Variants in PPP2R2B observed in about 807,000 individuals in gnomAD.
The protein encoded by PPP2R2B is protein phosphatase 2 regulatory subunit Bbeta.
A neutral mutation model predicts 46.0 loss-of-function variants in PPP2R2B; 5 were observed. The observed-to-expected ratio is 0.11, with a 90% CI of 0.06 to 0.23. The LOEUF is 0.23. Among genes scored for constraint, PPP2R2B ranks in the 10% least tolerant of loss-of-function variants. The pLI, the probability that PPP2R2B is intolerant of heterozygous loss-of-function variation, is 1.00. For synonymous variants in PPP2R2B, 215 were observed against 206.7 expected, an observed-to-expected ratio of 1.04 and a Z score of -0.34; for missense variants, 367 against 575.0, an observed-to-expected ratio of 0.64 and a Z score of 3.70.
intron 1 of PPP2R2B, among the ~76,000 whole-genome samples, chr5:146,933,211 A>G (rs914004437): frequency 5.3e-5 from 8 of 152,132 alleles, no homozygotes; most frequent in Non-Finnish European, 7.4e-5. Context: ...CAACCAGATG[A>G]ATTTTTTGGT....
intron 2 of PPP2R2B, among the ~76,000 whole-genome samples, chr5:146,787,514 C>T (rs1351398873): frequency 6.6e-6 from 1 of 151,876 alleles, no homozygotes; most frequent in Non-Finnish European, 1.5e-5. Flanking sequence ...TTTCTCTTCT[C>T]TCCTCTCCTC....
chr5:146,974,026 G>A (rs573042632), intron 1 of PPP2R2B, among the ~76,000 whole-genome samples: 36 of 152,236 alleles, frequency 2.4e-4, no homozygotes, highest in Non-Finnish European at 1.2e-4. Context: ...AAGGTTTTCC[G>A]TGTTATTGAT....
chr5:146,658,166 G>C (rs898295767), intron 5 of PPP2R2B, among the ~76,000 whole-genome samples: 1 of 152,118 alleles, frequency 6.6e-6, no homozygotes, highest in Non-Finnish European at 1.5e-5. Context: ...CGGAAGTCCT[G>C]GGTGTCCACC....
In PPP2R2B at chr5:146,878,076, A is replaced by G. The variant is rs1762005344; in HGVS notation, c.-5T>C. ...GGTATCAATGTCCTCCTCCATTGAC[A>G]GCAGGCTTACTTGCGTGGGAACCAG... On this transcript the variant is annotated 5_prime_UTR_variant, in exon 2 of 10. Coordinates refer to ENST00000394411, the MANE Select transcript of PPP2R2B (RefSeq NM_181675.4). This position sits in a 1 kb window ranked among gnomAD's most constrained non-coding sequence, Gnocchi z 4.5. 6.2e-7 allele frequency: 1 copy of G among 1,614,188 alleles called. No individual in the cohort carries two copies. Among genetic ancestry groups the G allele is most frequent in the Non-Finnish European group, 8.5e-7 (1 of 1,180,026 alleles).
At chr5:147,043,964 T>G (rs896062878) in intron 1 of PPP2R2B, among the ~76,000 whole-genome samples, 21 of 151,994 alleles carry the variant, frequency 1.4e-4, no homozygotes, top group Non-Finnish European at 2.4e-4. Flanking sequence ...GGCAACTTAC[T>G]TATCTTTCTG....
chr5:146,593,005 C>A lies in PPP2R2B; in HGVS notation c.1018G>T (p.Asp340Tyr). The A allele has an allele frequency of 6.2e-7, 1 of 1,613,984 alleles. No individual in the cohort carries two copies. Among genetic ancestry groups the A allele is most frequent in the Non-Finnish European group, 8.5e-7 (1 of 1,179,874 alleles). ...CCATTCCACACACACTCAAATTTAT[C>A]AAAAATGCAGTCATTTTCATAGAGG... ...CSLYENDCIFDKFECVWNGSD... is the reference protein window; with the variant it reads ...CSLYENDCIFYKFECVWNGSD... The change falls in exon 9 of 10, where the codon GAT becomes TAT. Residue 340 changes from aspartate (D) to tyrosine (Y), a missense_variant. Physicochemically the swap from Asp to Tyr is radical, Grantham distance 160 (BLOSUM62 -3). Around this residue, in one of 2 missense-constraint regions of PPP2R2B, gnomAD observed 361 missense variants for 545.5 expected, o/e 0.66. Coordinates refer to ENST00000394411, the MANE Select transcript of PPP2R2B (RefSeq NM_181675.4).
intron 5 of PPP2R2B, among the ~76,000 whole-genome samples, chr5:146,672,160 A>G (rs989986411): frequency 2.0e-5 from 3 of 152,228 alleles, no homozygotes; most frequent in African/African-American, 7.2e-5. Context: ...TGCTGCTTTC[A>G]CAATGGGAGA....
At chr5:147,033,829 C>G (rs1264722145) in intron 1 of PPP2R2B, among the ~76,000 whole-genome samples, 1 of 152,014 alleles carries the variant, frequency 6.6e-6, no homozygotes, top group African/African-American at 2.4e-5. Context: ...TTAATCCAAG[C>G]CTCTGTCCTT....
At chr5:146,975,868 T>A (rs1752876864) in intron 1 of PPP2R2B, among the ~76,000 whole-genome samples, 1 of 152,118 alleles carries the variant, frequency 6.6e-6, no homozygotes, top group Non-Finnish European at 1.5e-5. Context: ...TTACATATTC[T>A]GCATATTGAT....
In PPP2R2B at chr5:146,738,354, C is replaced by A. The variant is rs146682790; in HGVS notation, c.71-37212G>T. ...GAGCTTGCAGTGAGCCGAGATCATG[C>A]CACTGCACTCCAGCCTGGGCGACAA... On this transcript the variant is annotated intron_variant, in intron 2 of 9. Coordinates refer to ENST00000394411, the MANE Select transcript of PPP2R2B (RefSeq NM_181675.4). Among the ~76,000 whole-genome samples the A allele has an allele frequency of 7.6e-3, 1,110 of 146,774 alleles. 14 individuals carry two copies. The highest frequency in any genetic ancestry group is 0.059 in the Middle Eastern group (17 of 290).
intron 1 of PPP2R2B, among the ~76,000 whole-genome samples, chr5:146,952,067 A>G (rs1348575334): frequency 6.6e-6 from 1 of 150,828 alleles, no homozygotes; most frequent in Non-Finnish European, 1.5e-5. Context: ...AATCTTTGGC[A>G]CTTTTGTAAT....
intron 7 of PPP2R2B, among the ~76,000 whole-genome samples, chr5:146,602,017 T>C (rs527792242): frequency 2.0e-5 from 3 of 152,368 alleles, no homozygotes; most frequent in South Asian, 2.1e-4. Flanking sequence ...TATATCTCGA[T>C]ATTTCCCACT....
chr5:147,055,583 C>T (rs1757045382), intron 1 of PPP2R2B: 2 of 1,223,532 alleles, frequency 1.6e-6, no homozygotes, highest in South Asian at 2.5e-5. Context: ...CTACAGAAAG[C>T]AGCATCAGCA....
intron 1 of PPP2R2B, among the ~76,000 whole-genome samples, chr5:146,899,591 T>A (rs1046044097): frequency 2.6e-5 from 4 of 151,860 alleles, no homozygotes; most frequent in Non-Finnish European, 5.9e-5. Context: ...AACCTGCACA[T>A]TGTGCACATG....
chr5:146,780,115 C>T (rs540624608), intron 2 of PPP2R2B, among the ~76,000 whole-genome samples: 7 of 152,236 alleles, frequency 4.6e-5, no homozygotes, highest in African/African-American at 1.7e-4. Context: ...TATGTGACTA[C>T]AATTTATTTT....
chr5:147,049,263 G>C (rs1756685245), intron 1 of PPP2R2B, among the ~76,000 whole-genome samples: 1 of 152,162 alleles, frequency 6.6e-6, no homozygotes, highest in Non-Finnish European at 1.5e-5. Flanking sequence ...TTGTAAGAAT[G>C]ATATGAGAGA....
chr5:147,056,216 T>C (rs1580866078), upstream of PPP2R2B: 1 of 742,312 alleles, frequency 1.3e-6, no homozygotes, highest in Non-Finnish European at 1.6e-6. Flanking sequence ...TGTTCTGCCC[T>C]GGAGAGAGAT....
At chr5:146,885,384 T>G (rs528025135) in intron 1 of PPP2R2B, among the ~76,000 whole-genome samples, 1 of 152,330 alleles carries the variant, frequency 6.6e-6, no homozygotes, top group African/African-American at 2.4e-5. Flanking sequence ...CAGAATCACC[T>G]GGAGGTCTCT....
At chr5:146,833,090 T>G (rs2151355030) in intron 2 of PPP2R2B, among the ~76,000 whole-genome samples, 1 of 152,242 alleles carries the variant, frequency 6.6e-6, no homozygotes, top group East Asian at 1.9e-4. Context: ...TACTTCCAGC[T>G]GAAACTTCAC....
Sources: gnomAD v4.1 joint callset for allele counts (sites outside exome capture counted in the v4.1 genomes callset) on GRCh38, gnomAD v4.1.1 for gene constraint, gnomAD v4.1.1 regional missense constraint, Gnocchi (gnomAD v3.1) non-coding constraint, MANE v1.5 for transcripts, NCBI Gene and HGNC (gene_info 2026-07-23, HGNC 2026-07-21) for gene names.